SSX2IP: variants seen among roughly 807,000 people sequenced by gnomAD.
SSX2IP encodes SSX family member 2 interacting protein.
SSX2IP carries 55 observed loss-of-function variants against 84.9 expected under a neutral mutation model. The ratio of observed to expected loss-of-function variants is 0.65; its 90% CI spans 0.52 to 0.81. SSX2IP has a LOEUF of 0.81. Ranked by LOEUF, SSX2IP falls within the 30% of genes least tolerant of loss-of-function variation. The pLI is 0.00. For missense variants in SSX2IP, 664 were observed against 705.2 expected (o/e 0.94, Z 0.66); for synonymous variants, 239 against 234.7 (o/e 1.02, Z -0.17).
At chr1:84,687,652 T>C (rs1399841646) in intron 1 of SSX2IP, among the ~76,000 whole-genome samples, 2 of 152,250 alleles carry the variant, frequency 1.3e-5, no homozygotes, top group African/African-American at 4.8e-5. Context: ...GTCTTTCAGA[T>C]ATTATTTGCA....
At chr1:84,663,951 G>A (rs557357075) in intron 6 of SSX2IP, among the ~76,000 whole-genome samples, 14 of 152,190 alleles carry the variant, frequency 9.2e-5, no homozygotes, top group Non-Finnish European at 1.3e-4. Context: ...ACACACACAC[G>A]CCTAACTTTT....
intron 1 of SSX2IP, among the ~76,000 whole-genome samples, chr1:84,671,777 A>G (rs1325602842): frequency 6.6e-6 from 1 of 152,208 alleles, no homozygotes; most frequent in African/African-American, 2.4e-5. Context: ...AAACTTCCAT[A>G]TACTCCCTCC....
At position 84,652,061 on chromosome 1, in the gene SSX2IP, A is replaced by G. The variant is rs1307164609; in HGVS notation, c.1390-64T>C. On this transcript the variant is annotated intron_variant, in intron 11 of 13. Coordinates refer to ENST00000342203, the MANE Select transcript of SSX2IP (RefSeq NM_001166293.2). The stretch of plus-strand genomic sequence containing the variant: ...AACATCCACACAGTTGCCATTTCAC[A>G]TGATTGCTCTAGCTATCTTTGTTTG... 6 of 1,177,606 alleles carry G rather than the reference A, an allele frequency of 5.1e-6. No individual in the cohort carries two copies. In the African/African-American group the frequency reaches 7.6e-5, roughly 15 times the overall value. 72.9% of individuals were successfully genotyped at this position (1,177,606 alleles called of 1,614,324 possible). A position where few individuals can be genotyped will look rare whatever the true frequency, so the allele number is the denominator to read the frequency against.
chr1:84,658,595 T>C (rs1245028587), intron 8 of SSX2IP, 127 bp from the exon 9 acceptor site: 14 of 1,080,140 alleles, frequency 1.3e-5, no homozygotes, highest in African/African-American at 1.6e-5. Flanking sequence ...CTGTGTCTTA[T>C]GCATATATGG....
At chr1:84,653,366 G>A (rs577286183) in intron 11 of SSX2IP, among the ~76,000 whole-genome samples, 36 of 152,260 alleles carry the variant, frequency 2.4e-4, no homozygotes, top group South Asian at 8.3e-4. Context: ...AGAGGGCATA[G>A]GCAAATTATG....
chr1:84,658,345 T>G lies in SSX2IP; in HGVS notation c.1051A>C (p.Ser351Arg), dbSNP rs1417507563. Residue 351 changes from serine to arginine, a missense_variant, in exon 9 of 14, where the codon AGT becomes CGT. By Grantham distance (110) the Ser-to-Arg change is moderately radical. Transcript: ENST00000342203. ...TGGTTATCAAGCTTTTCTACATGAC[T>G]TTTCAAAATTCTCCACTGTTTTCTG... is the stretch of plus-strand genomic sequence containing the variant. ...SIRKQWRILK[S>R]HVEKLDNQVS... 1.2e-6 allele frequency: 2 copies of G among 1,614,034 alleles called. No homozygotes were observed. Among genetic ancestry groups the G allele is most frequent in the Admixed American group, 1.7e-5 (1 of 60,000 alleles).
intron 5 of SSX2IP, among the ~76,000 whole-genome samples, 195 bp from the exon 6 acceptor site, chr1:84,664,747 G>A (rs981057186): frequency 6.6e-6 from 1 of 151,802 alleles, no homozygotes; most frequent in Admixed American, 6.6e-5. Flanking sequence ...TTCCAGAAGC[G>A]CTAATTTTCT....
rs2102485460 is a variant in SSX2IP, at chr1:84,675,146, T to C, written c.-89-3838A>G. 3.9e-5 allele frequency among the ~76,000 whole-genome samples: 6 copies of C among 152,298 alleles called. 1 individual carries two copies. The Middle Eastern group carries it at 0.02, about 518-fold the overall frequency. On this transcript the variant is annotated intron_variant, in intron 1 of 13. Coordinates refer to ENST00000342203, the MANE Select transcript of SSX2IP (RefSeq NM_001166293.2). ...ACAAGCCCATTTCAATTTGAAAGCA[T>C]CAAATGCAACCAAGAAGGACTCCAT...
chr1:84,662,563 C>G, intron 6 of SSX2IP, 33 bp from the exon 7 acceptor site: 1 of 1,606,920 alleles, frequency 6.2e-7, no homozygotes. Context: ...TTAATTCTTA[C>G]CATACATGCT....
intron 1 of SSX2IP, among the ~76,000 whole-genome samples, chr1:84,684,039 AAAT>A (rs1249715208): frequency 1.3e-5 from 2 of 152,254 alleles, no homozygotes; most frequent in Non-Finnish European, 2.9e-5. Context: ...TTCACTCCTC[AAAT>A]AATGAAATGG....
intron 1 of SSX2IP, among the ~76,000 whole-genome samples, chr1:84,679,949 T>C (rs1244357246): frequency 6.6e-6 from 1 of 152,188 alleles, no homozygotes; most frequent in Non-Finnish European, 1.5e-5. Flanking sequence ...GAGCCCATTC[T>C]CTTAACCATC....
chr1:84,660,895 C>CAAAAAAAAAAA (rs11362631), intron 8 of SSX2IP, among the ~76,000 whole-genome samples: 4 of 98,020 alleles, frequency 4.1e-5, no homozygotes, highest in Admixed American at 1.2e-4. Context: ...TACTAAAATA[C>CAAAAAAAAAAA]AAAAAAAAAA....
chr1:84,668,917 C>A (rs1420624258), intron 4 of SSX2IP, among the ~76,000 whole-genome samples: 1 of 151,954 alleles, frequency 6.6e-6, no homozygotes, highest in Non-Finnish European at 1.5e-5. Context: ...AATAACAAAA[C>A]CCAATATAGA....
chr1:84,670,856 A>G (rs1449788409), intron 2 of SSX2IP, 41 bp from the exon 3 acceptor site: 2 of 1,503,128 alleles, frequency 1.3e-6, no homozygotes, highest in Non-Finnish European at 1.8e-6. Flanking sequence ...ATTTAGAAAA[A>G]CGTATGTAAA....
At chr1:84,658,202 C>T in intron 9 of SSX2IP, 116 bp downstream of exon 9, 2 of 1,102,626 alleles carry the variant, frequency 1.8e-6, no homozygotes, top group East Asian at 2.5e-5. Flanking sequence ...TTCAAACCAC[C>T]AAACTGAAGT....
chr1:84,662,009 ATTT>A (rs559129803), intron 8 of SSX2IP, among the ~76,000 whole-genome samples, 186 bp downstream of exon 8: 195 of 152,262 alleles, frequency 1.3e-3, no homozygotes, highest in Admixed American at 2.2e-3. Flanking sequence ...CATCTCCAGC[ATTT>A]TTCAGGAAAT....
chr1:84,650,502 C>T lies in SSX2IP; in HGVS notation c.1530G>A (p.Val510=). 6.2e-7 allele frequency: 1 copy of T among 1,614,044 alleles called. No homozygotes were observed. Among genetic ancestry groups the T allele is most frequent in the East Asian group, 2.2e-5 (1 of 44,868 alleles). The change falls in exon 13 of 14, where the codon GTG becomes GTA. Residue 510 remains valine, a synonymous_variant. Coordinates refer to ENST00000342203, the MANE Select transcript of SSX2IP (RefSeq NM_001166293.2). ...GCTTCTTTTGCGGCTGCCTCGAGTG[C>T]ACTATAAGATTGTCCCAATCAGAAC... The part of the protein sequence containing the change: ...SGSSDWDNLI[V]HSRQPQKKPH...
chr1:84,681,746 A>G (rs917199040), intron 1 of SSX2IP, among the ~76,000 whole-genome samples: 8 of 152,172 alleles, frequency 5.3e-5, no homozygotes, highest in Non-Finnish European at 1.0e-4. Flanking sequence ...ACTTAGACAA[A>G]TCCCACCAAT....
intron 13 of SSX2IP, chr1:84,649,524 C>G (rs1444093670): frequency 6.5e-6 from 1 of 153,326 alleles, no homozygotes; most frequent in Admixed American, 6.5e-5. Context: ...ATTCTTGGCC[C>G]AAGGGCCAGC....
Sources: gnomAD v4.1 joint callset for allele counts (sites outside exome capture counted in the v4.1 genomes callset) on GRCh38, gnomAD v4.1.1 for gene constraint, MANE v1.5 for transcripts, NCBI Gene and HGNC (gene_info 2026-07-23, HGNC 2026-07-21) for gene names.